The following NWD1 variants were observed in gnomAD, a reference collection of about 807,000 sequenced individuals.
NWD1 encodes NACHT and WD repeat domain containing 1, also known as NACHT domain- and WD repeat-containing protein 1.
NWD1 carries 129 observed loss-of-function variants against 135.1 expected under a neutral mutation model. The ratio of observed to expected loss-of-function variants is 0.96; its 90% CI spans 0.83 to 1.11. NWD1 has a LOEUF of 1.11. NWD1 is among the 50% of genes least tolerant of loss of function. NWD1 has a pLI of 0.00. For synonymous variants in NWD1, 773 were observed against 786.0 expected, an observed-to-expected ratio of 0.98 and a Z score of 0.28; for missense variants, 1,740 against 1,851.3, an observed-to-expected ratio of 0.94 and a Z score of 1.10.
intron 3 of NWD1, 26 bp downstream of exon 3, chr19:16,731,304 A>C: frequency 7.1e-7 from 1 of 1,406,124 alleles, no homozygotes. Context: ...TCCGGGCTCC[A>C]TGCTTTTTTT....
intron 10 of NWD1, among the ~76,000 whole-genome samples, chr19:16,770,393 C>T (rs538265620): frequency 3.9e-5 from 6 of 152,280 alleles, no homozygotes; most frequent in South Asian, 2.1e-4. Flanking sequence ...CCCCTTCCAC[C>T]GTGATTGTAA....
At chr19:16,763,419 C>T (rs189342356) in intron 8 of NWD1, among the ~76,000 whole-genome samples, 2 of 152,308 alleles carry the variant, frequency 1.3e-5, no homozygotes, top group African/African-American at 4.8e-5. Flanking sequence ...CCACCCGCAT[C>T]CCCTAACCTG....
intron 10 of NWD1, among the ~76,000 whole-genome samples, chr19:16,768,617 G>A (rs1390910749): frequency 8.5e-6 from 1 of 117,784 alleles, no homozygotes; most frequent in Non-Finnish European, 1.9e-5. Flanking sequence ...AGCTTAACAG[G>A]AGAAAGGGCT....
At chr19:16,733,152 T>C (rs1378744423) in intron 3 of NWD1, among the ~76,000 whole-genome samples, 1 of 151,840 alleles carries the variant, frequency 6.6e-6, no homozygotes, top group African/African-American at 2.4e-5. Context: ...ACCCAGGAGT[T>C]TGAGGCTGCA....
chr19:16,766,837 C>G (rs1003261575), intron 10 of NWD1, among the ~76,000 whole-genome samples: 1 of 152,166 alleles, frequency 6.6e-6, no homozygotes, highest in East Asian at 1.9e-4. Context: ...CCTCCTGCCT[C>G]AGACTCCCAA....
chr19:16,758,566 C>T (rs1968883598), intron 6 of NWD1, among the ~76,000 whole-genome samples: 1 of 152,168 alleles, frequency 6.6e-6, no homozygotes, highest in South Asian at 2.1e-4. Flanking sequence ...TGTGAGCCAC[C>T]ACGCCCAGCC....
intron 17 of NWD1, among the ~76,000 whole-genome samples, chr19:16,800,900 C>T (rs147067929): frequency 1.1e-3 from 174 of 152,030 alleles, no homozygotes; most frequent in African/African-American, 4.0e-3. Context: ...TCTGGGAGGC[C>T]GAGGCAGTAG....
intron 5 of NWD1, among the ~76,000 whole-genome samples, chr19:16,746,896 G>A (rs917232723): frequency 6.6e-6 from 1 of 152,076 alleles, no homozygotes; most frequent in Non-Finnish European, 1.5e-5. Flanking sequence ...AGTAGGAAGA[G>A]GAGGGGTTGG....
At chr19:16,791,106 T>C (rs1177921131) in intron 13 of NWD1, among the ~76,000 whole-genome samples, 1 of 151,888 alleles carries the variant, frequency 6.6e-6, no homozygotes, top group East Asian at 1.9e-4. Flanking sequence ...TGGTGGTGCG[T>C]GTCTGTGGTC....
At chr19:16,755,719 G>T (rs905240524) in intron 6 of NWD1, among the ~76,000 whole-genome samples, 1 of 95,126 alleles carries the variant, frequency 1.1e-5, no homozygotes. Context: ...TATTTATTTA[G>T]TAGAGATGGG....
rs1970817377 is a variant in NWD1, at chr19:16,808,227, A to G, written c.4287+91A>G. The G allele has an allele frequency of 3.3e-5, 40 of 1,203,468 alleles. 1 individual carries two copies. In the South Asian group the frequency reaches 4.9e-4, roughly 15 times the overall value. 74.5% of individuals were successfully genotyped at this position (1,203,468 alleles called of 1,614,324 possible). On this transcript the variant is annotated intron_variant, in intron 18 of 18. Coordinates refer to ENST00000524140, the MANE Select transcript of NWD1 (RefSeq NM_001007525.5). ...ATTTACTAAGCACACACCATGGGCC[A>G]TCGACCAGGATGGGACTGGGGTGAT... is the stretch of plus-strand genomic sequence containing the variant.
rs76739123 is a variant in NWD1 at position 16,749,190 on chromosome 19, A to T, written c.548A>T (p.Gln183Leu). ...CTGCTGAGCTCAGAGGACCGGGAAC[A>T]GGGAGCCACCGTCTTCCTTAGAGAG... is the stretch of plus-strand genomic sequence containing the variant. ...RSLLSSEDRE[Q>L]GATVFLREIQ... is the part of the protein sequence containing the mutation. The change falls in exon 6 of 19, where the codon CAG becomes CTG. Residue 183 changes from glutamine (Q) to leucine (L), a missense_variant. By Grantham distance (113) the Gln-to-Leu change is moderately radical. Coordinates refer to ENST00000524140, the MANE Select transcript of NWD1 (RefSeq NM_001007525.5). 4.6e-3 allele frequency: 7,378 copies of T among 1,613,412 alleles called. 202 individuals are homozygous for T. The African/African-American group carries it at 0.068, about 15-fold the overall frequency.
intron 11 of NWD1, among the ~76,000 whole-genome samples, chr19:16,777,538 T>G (rs1357525623): frequency 4.3e-4 from 2 of 4,650 alleles, no homozygotes; most frequent in African/African-American, 1.2e-3. Context: ...GGGATGGGAG[T>G]GAAGAGGGAG....
At chr19:16,739,980 A>G (rs1013573435) in intron 4 of NWD1, among the ~76,000 whole-genome samples, 6 of 152,114 alleles carry the variant, frequency 3.9e-5, no homozygotes, top group Non-Finnish European at 8.8e-5. Flanking sequence ...TGCTTATAAC[A>G]GAATCCCTGA....
chr19:16,811,186 G>C (rs982800835), intron 18 of NWD1, among the ~76,000 whole-genome samples: 1 of 152,096 alleles, frequency 6.6e-6, no homozygotes, highest in African/African-American at 2.4e-5. Flanking sequence ...TCCAATCCAG[G>C]ATTCCATGTG....
intron 5 of NWD1, among the ~76,000 whole-genome samples, chr19:16,747,052 T>TC (rs2122787128): frequency 6.6e-6 from 1 of 151,280 alleles, no homozygotes; most frequent in South Asian, 2.1e-4. Context: ...TTTTTTTTTT[T>TC]TTGAGATGGA....
At chr19:16,758,552 C>G (rs1968882922) in intron 6 of NWD1, among the ~76,000 whole-genome samples, 1 of 152,128 alleles carries the variant, frequency 6.6e-6, no homozygotes, top group East Asian at 1.9e-4. Flanking sequence ...GCAGGGATTA[C>G]AGGTGTGAGC....
Position 16,762,083 on chromosome 19 carries a change from C to T in NWD1, c.2078C>T (p.Thr693Ile). The T allele has an allele frequency of 6.2e-7, 1 of 1,614,028 alleles. No homozygotes were observed. Among genetic ancestry groups the T allele is most frequent in the Non-Finnish European group, 8.5e-7 (1 of 1,180,002 alleles). Residue 693 changes from threonine to isoleucine, a missense_variant, in exon 8 of 19, where the codon ACC (threonine) becomes ATC (isoleucine). By Grantham distance (89) the Thr-to-Ile change is moderately conservative. Coordinates refer to ENST00000524140, the MANE Select transcript of NWD1 (RefSeq NM_001007525.5). The part of the protein sequence containing the change: ...DFFSGTWSQG[T>I]KKLITLPLVG... Reference sequence around the variant, plus strand: ...TTCTCAGGGACCTGGAGCCAGGGTACCAAGAAGCTCATCACTCTGCCACTT... The same window carrying T: ...TTCTCAGGGACCTGGAGCCAGGGTATCAAGAAGCTCATCACTCTGCCACTT...
At chr19:16,743,327 C>T (rs1968164066) in intron 4 of NWD1, among the ~76,000 whole-genome samples, 1 of 152,148 alleles carries the variant, frequency 6.6e-6, no homozygotes, top group Non-Finnish European at 1.5e-5. Context: ...CCTCCAGCCT[C>T]AGCCTCCTGA....
Sources: gnomAD v4.1 joint callset for allele counts (sites outside exome capture counted in the v4.1 genomes callset) on GRCh38, gnomAD v4.1.1 for gene constraint, MANE v1.5 for transcripts, NCBI Gene and HGNC (gene_info 2026-07-23, HGNC 2026-07-21) for gene names.